SAMD5: variants seen among roughly 807,000 people sequenced by gnomAD.
SAMD5 encodes sterile alpha motif domain containing 5.
Under a neutral mutation model 11.3 loss-of-function variants are expected in SAMD5, and 13 were observed. The observed-to-expected ratio is 1.15, with a 90% CI of 0.75 to 1.83. The LOEUF is 1.83. Among genes scored for constraint, SAMD5 ranks in the 40% most tolerant of loss-of-function variants. SAMD5 has a pLI of 0.00. For missense variants in SAMD5, 255 were observed against 239.1 expected (o/e 1.07, Z -0.44); for synonymous variants, 129 against 111.3 (o/e 1.16, Z -1.00).
At chr6:147,556,421 T>C (rs1345998990) in intron 1 of SAMD5, among the ~76,000 whole-genome samples, 3 of 152,244 alleles carry the variant, frequency 2.0e-5, no homozygotes, top group Non-Finnish European at 2.9e-5. Context: ...GAATTAAATA[T>C]GTATTTTAAA....
chr6:147,612,969 C>T (rs569878281), intron 1 of SAMD5, among the ~76,000 whole-genome samples: 7 of 152,046 alleles, frequency 4.6e-5, no homozygotes, highest in East Asian at 1.9e-4. Flanking sequence ...GAGGCCTAGG[C>T]GGGTAGATCA....
intron 1 of SAMD5, among the ~76,000 whole-genome samples, chr6:147,559,860 A>G (rs1788919992): frequency 6.6e-6 from 1 of 152,252 alleles, no homozygotes; most frequent in South Asian, 2.1e-4. Context: ...ATAACCTAAC[A>G]TTGCATCCTT....
chr6:147,842,089 T>G, the SAMD5 span, among the ~76,000 whole-genome samples: 1 of 152,192 alleles, frequency 6.6e-6, no homozygotes, highest in East Asian at 1.9e-4. Flanking sequence ...CATGTAATAA[T>G]GAAAACAGCA....
downstream of SAMD5, among the ~76,000 whole-genome samples, chr6:147,571,563 G>A (rs1197838007): frequency 2.0e-5 from 3 of 149,100 alleles, no homozygotes; most frequent in African/African-American, 7.4e-5. Context: ...TGACTAACTC[G>A]TCTATTTTAA....
intron 1 of SAMD5, among the ~76,000 whole-genome samples, chr6:147,593,430 A>G (rs571732822): frequency 3.3e-5 from 5 of 152,188 alleles, no homozygotes; most frequent in Non-Finnish European, 7.3e-5. Context: ...AAGAAAGGCC[A>G]TCTGTTCAAA....
At chr6:147,570,970 G>T (rs1789128576), downstream of SAMD5, among the ~76,000 whole-genome samples, 2 of 152,100 alleles carry the variant, frequency 1.3e-5, no homozygotes, top group South Asian at 4.1e-4. Flanking sequence ...TATACCTAAA[G>T]GGTTCTGTGG....
chr6:147,619,032 CCTT>C (rs1437577319), intron 1 of SAMD5, among the ~76,000 whole-genome samples: 3 of 152,208 alleles, frequency 2.0e-5, no homozygotes. Context: ...CTTAAGCAGT[CCTT>C]CCTCCTCTGC....
At chr6:147,646,925 G>C (rs1790411559) in intron 1 of SAMD5, among the ~76,000 whole-genome samples, 1 of 150,804 alleles carries the variant, frequency 6.6e-6, no homozygotes, top group Admixed American at 6.6e-5. Flanking sequence ...ATCACCTGAG[G>C]TCAGGAGTTC....
Position 147,545,459 on chromosome 6 carries a change from C to T in SAMD5, c.460-18935C>T, listed in dbSNP as rs572615998. On this transcript the variant is annotated intron_variant, in intron 1 of 1. Transcript: ENST00000367474. ...ATTTCTCATTGTGGGTCCTTCTCCA[C>T]ACTAAACAAATGCAAGTTCTTGCAA... Among the ~76,000 whole-genome samples the T allele has an allele frequency of 2.6e-5, 4 of 152,240 alleles. No homozygotes were observed. In the South Asian group the frequency reaches 6.2e-4, roughly 24 times the overall value.
At chr6:147,695,168 G>A (rs1438801538) in intron 1 of SAMD5, among the ~76,000 whole-genome samples, 1 of 152,132 alleles carries the variant, frequency 6.6e-6, no homozygotes, top group East Asian at 1.9e-4. Flanking sequence ...TTAAAATAAA[G>A]ATGTTACATT....
chr6:147,757,437 T>C, the SAMD5 span, among the ~76,000 whole-genome samples: 731 of 152,326 alleles, frequency 4.8e-3, 16 homozygotes, highest in East Asian at 0.073. Flanking sequence ...TCATTCTTTC[T>C]GAGCAGTTTG....
intron 1 of SAMD5, among the ~76,000 whole-genome samples, chr6:147,551,985 A>G (rs932994567): frequency 3.9e-5 from 6 of 151,902 alleles, no homozygotes; most frequent in African/African-American, 1.2e-4. Context: ...CGGAGTTTAA[A>G]TTTTCTGAAA....
At chr6:147,559,384 A>T (rs929596300) in intron 1 of SAMD5, among the ~76,000 whole-genome samples, 9 of 152,192 alleles carry the variant, frequency 5.9e-5, no homozygotes, top group South Asian at 4.1e-4. Context: ...TTAACTCTGA[A>T]TTTGTTTCTG....
At chr6:147,597,980 T>G (rs1487847868) in intron 1 of SAMD5, among the ~76,000 whole-genome samples, 1 of 152,212 alleles carries the variant, frequency 6.6e-6, no homozygotes, top group Non-Finnish European at 1.5e-5. Context: ...GGCTCCCTCC[T>G]TCCTGGTGCC....
chr6:147,732,676 T>C (rs934198959), intron 1 of SAMD5, among the ~76,000 whole-genome samples: 9 of 152,204 alleles, frequency 5.9e-5, no homozygotes, highest in Admixed American at 2.0e-4. Context: ...TTCCCTGGTG[T>C]AATACTATTT....
At chr6:147,725,959 A>G (rs1791620437) in intron 1 of SAMD5, among the ~76,000 whole-genome samples, 1 of 152,254 alleles carries the variant, frequency 6.6e-6, no homozygotes, top group Non-Finnish European at 1.5e-5. Context: ...GGATAGGAAT[A>G]TAAAATGTTT....
chr6:147,893,559 C>T, the SAMD5 span, among the ~76,000 whole-genome samples: 1 of 152,158 alleles, frequency 6.6e-6, no homozygotes, highest in Non-Finnish European at 1.5e-5. Context: ...GATCTTCCTT[C>T]GCTGAATAAA....
intron 1 of SAMD5, among the ~76,000 whole-genome samples, chr6:147,617,877 G>A (rs990575611): frequency 1.3e-5 from 2 of 152,330 alleles, no homozygotes; most frequent in East Asian, 1.9e-4. Context: ...TTGATTCAAT[G>A]TGAAAGTGTT....
rs140013606 is a variant in SAMD5, at chr6:147,589,135, T to C, written c.162+79748T>C. On this transcript the variant is annotated intron_variant, in intron 1 of 1. Transcript: ENST00000566741. Reference sequence around the variant, plus strand: ...ATACCCAGCCAATTTTTAAAAATTGTTCTTGTAGAGACAGGATCTCACTAT... The same window carrying C: ...ATACCCAGCCAATTTTTAAAAATTGCTCTTGTAGAGACAGGATCTCACTAT... Among the ~76,000 whole-genome samples, 52 of 152,110 alleles carry C rather than the reference T, an allele frequency of 3.4e-4. 1 individual carries two copies. Among genetic ancestry groups the C allele is most frequent in the African/African-American group, 1.1e-3 (47 of 41,524 alleles).
Sources: gnomAD v4.1 joint callset for allele counts (sites outside exome capture counted in the v4.1 genomes callset) on GRCh38, gnomAD v4.1.1 for gene constraint, MANE v1.5 for transcripts, NCBI Gene and HGNC (gene_info 2026-07-23, HGNC 2026-07-21) for gene names.